DCT: variants seen among roughly 807,000 people sequenced by gnomAD.
DCT encodes L-dopachrome tautomerase.
In DCT, 47 loss-of-function variants were observed where a neutral mutation model predicts 53.0. The observed-to-expected ratio is 0.89, with a 90% confidence interval of 0.70 to 1.13. The LOEUF is 1.13. Among genes scored for constraint, DCT ranks in the 50% most tolerant of loss-of-function variants. The pLI is 0.00. For missense variants in DCT, 669 were observed against 637.4 expected (o/e 1.05, Z -0.53); for synonymous variants, 244 against 237.0 (o/e 1.03, Z -0.27).
At chr13:94,544,765 T>C in the DCT span, among the ~76,000 whole-genome samples, 4 of 151,330 alleles carry the variant, frequency 2.6e-5, no homozygotes, top group Middle Eastern at 3.2e-3. Flanking sequence ...ATATGACAAA[T>C]AGTATAACAA....
chr13:94,475,479 G>A (rs1885007470), intron 1 of DCT, among the ~76,000 whole-genome samples: 1 of 152,206 alleles, frequency 6.6e-6, no homozygotes. Flanking sequence ...ATCTAAAGTA[G>A]CTGAACATAG....
chr13:94,525,793 T>C, the DCT span, among the ~76,000 whole-genome samples: 3 of 152,158 alleles, frequency 2.0e-5, 1 homozygote, highest in South Asian at 6.2e-4. Context: ...AGTAGTTTGA[T>C]ACCAGCCTGG....
chr13:94,441,451 C>T (rs1882307718), intron 7 of DCT, among the ~76,000 whole-genome samples: 1 of 152,146 alleles, frequency 6.6e-6, no homozygotes, highest in South Asian at 2.1e-4. Context: ...CGACCATCGC[C>T]ACCATCCATT....
the DCT span, among the ~76,000 whole-genome samples, chr13:94,511,195 A>G: frequency 1.3e-5 from 2 of 152,134 alleles, no homozygotes; most frequent in African/African-American, 4.8e-5. Context: ...TCTCTCCGCC[A>G]TTCCCACCTG....
At chr13:94,517,377 T>C in the DCT span, among the ~76,000 whole-genome samples, 3 of 152,348 alleles carry the variant, frequency 2.0e-5, no homozygotes, top group South Asian at 2.1e-4. Context: ...TCTTTTTCTC[T>C]ACCTCAGATA....
At chr13:94,502,361 T>A in the DCT span, among the ~76,000 whole-genome samples, 1 of 152,166 alleles carries the variant, frequency 6.6e-6, no homozygotes, top group South Asian at 2.1e-4. Context: ...CCTCTGCCAT[T>A]TCCAGTTGAT....
At chr13:94,530,248 A>C in the DCT span, among the ~76,000 whole-genome samples, 6 of 152,238 alleles carry the variant, frequency 3.9e-5, no homozygotes, top group African/African-American at 7.2e-5. Flanking sequence ...AAACTATTTC[A>C]ATCAATAGAA....
chr13:94,450,586 A>C, intron 6 of DCT, among the ~76,000 whole-genome samples: 1 of 152,206 alleles, frequency 6.6e-6, no homozygotes, highest in East Asian at 1.9e-4. Context: ...ACATACAAAA[A>C]AAAATCGAGA....
chr13:94,523,433 G>A, the DCT span, among the ~76,000 whole-genome samples: 472 of 152,262 alleles, frequency 3.1e-3, 2 homozygotes, highest in African/African-American at 0.011. Context: ...TAAGCCCTGA[G>A]TCTGAGGGTT....
chr13:94,482,658 GATAA>G (rs1417069780), upstream of DCT, among the ~76,000 whole-genome samples: 2 of 152,106 alleles, frequency 1.3e-5, no homozygotes, highest in Admixed American at 1.3e-4. Context: ...GAGACTACTT[GATAA>G]ATAGTTGATG....
At chr13:94,540,160 T>G in the DCT span, among the ~76,000 whole-genome samples, 54 of 152,100 alleles carry the variant, frequency 3.6e-4, no homozygotes, top group African/African-American at 1.2e-3. Flanking sequence ...AATTTCCAAC[T>G]CTTAAATGTG....
chr13:94,439,842 T>G lies in DCT; in HGVS notation c.*56A>C. 7.4e-7 allele frequency: 1 copy of G among 1,343,164 alleles called. No homozygotes were observed. Among genetic ancestry groups the G allele is most frequent in the Non-Finnish European group, 1.0e-6 (1 of 967,406 alleles). The allele number at this position is 1,343,164 out of a possible 1,614,324, so 83.2% of individuals were successfully genotyped here. ...ACAGTGAGGATTAGTTCCTTTATTG[T>G]CAGCGTCAGAACTGTGGCTTGGCCA... On this transcript the variant is annotated 3_prime_UTR_variant, in exon 8 of 8. Coordinates refer to ENST00000377028, the MANE Select transcript of DCT (RefSeq NM_001922.5).
chr13:94,505,848 C>A, the DCT span, among the ~76,000 whole-genome samples: 1 of 152,202 alleles, frequency 6.6e-6, no homozygotes, highest in African/African-American at 2.4e-5. Flanking sequence ...CAACAGCCAG[C>A]AAGGAACTAA....
At chr13:94,512,389 G>A in the DCT span, among the ~76,000 whole-genome samples, 1 of 152,260 alleles carries the variant, frequency 6.6e-6, no homozygotes, top group East Asian at 1.9e-4. Flanking sequence ...AACAAAAATA[G>A]TGCACAATTC....
chr13:94,536,578 G>A, the DCT span, among the ~76,000 whole-genome samples: 3 of 152,002 alleles, frequency 2.0e-5, no homozygotes, highest in African/African-American at 7.2e-5. Flanking sequence ...AAAAGGGTCT[G>A]GTACCTCCTC....
the DCT span, among the ~76,000 whole-genome samples, chr13:94,506,080 G>A: frequency 2.0e-5 from 3 of 152,096 alleles, no homozygotes; most frequent in Non-Finnish European, 4.4e-5. Flanking sequence ...TAAATTTGGG[G>A]GTAATTTGTT....
chr13:94,519,884 C>T, the DCT span, among the ~76,000 whole-genome samples: 4 of 152,106 alleles, frequency 2.6e-5, no homozygotes, highest in Non-Finnish European at 5.9e-5. Flanking sequence ...AAACAGTTAA[C>T]TATGAGGGAG....
intron 1 of DCT, among the ~76,000 whole-genome samples, chr13:94,470,142 C>T (rs1884549240): frequency 6.6e-6 from 1 of 152,100 alleles, no homozygotes; most frequent in South Asian, 2.1e-4. Context: ...AAAATAAATA[C>T]ATAAATTAAC....
At chr13:94,506,186 T>G in the DCT span, among the ~76,000 whole-genome samples, 1 of 152,358 alleles carries the variant, frequency 6.6e-6, no homozygotes, top group Middle Eastern at 3.4e-3. Flanking sequence ...GACTATCTTT[T>G]GTTTCTCCCC....
Sources: gnomAD v4.1 joint callset for allele counts (sites outside exome capture counted in the v4.1 genomes callset) on GRCh38, gnomAD v4.1.1 for gene constraint, MANE v1.5 for transcripts, NCBI Gene and HGNC (gene_info 2026-07-23, HGNC 2026-07-21) for gene names.